GRID2: variants seen among roughly 807,000 people sequenced by gnomAD.
The protein encoded by GRID2 is glutamate ionotropic receptor delta type subunit 2.
Under a neutral mutation model 114.8 loss-of-function variants are expected in GRID2, and 33 were observed. The ratio of observed to expected loss-of-function variants is 0.29; its 90% CI spans 0.22 to 0.38. GRID2 has a LOEUF of 0.38. Ranked by LOEUF, GRID2 falls within the 10% of genes least tolerant of loss-of-function variation. The pLI, the probability that GRID2 is intolerant of heterozygous loss-of-function variation, is 1.00. For missense variants in GRID2, 1,184 were observed against 1,257.7 expected, an observed-to-expected ratio of 0.94 and a Z score of 0.89; for synonymous variants, 505 against 449.9, an observed-to-expected ratio of 1.12 and a Z score of -1.55.
intron 14 of GRID2, among the ~76,000 whole-genome samples, chr4:93,718,064 G>C (rs1729057009): frequency 6.6e-6 from 1 of 152,102 alleles, no homozygotes; most frequent in South Asian, 2.1e-4. Context: ...GACCATCCTG[G>C]CTAACACAGT....
intron 14 of GRID2, among the ~76,000 whole-genome samples, chr4:93,751,612 C>T (rs903142055): frequency 3.3e-5 from 5 of 152,122 alleles, no homozygotes; most frequent in African/African-American, 9.7e-5. Context: ...CAGGGCCTTC[C>T]GTGGCATCCT....
At chr4:93,325,236 G>A (rs1158721147) in intron 8 of GRID2, among the ~76,000 whole-genome samples, 1 of 152,070 alleles carries the variant, frequency 6.6e-6, no homozygotes, top group Non-Finnish European at 1.5e-5. Flanking sequence ...GGTATGTTAT[G>A]TCTTTGTTCT....
intron 2 of GRID2, among the ~76,000 whole-genome samples, chr4:92,908,673 A>G (rs926016374): frequency 1.3e-5 from 2 of 152,160 alleles, no homozygotes; most frequent in African/African-American, 2.4e-5. Context: ...ATCTGATTCT[A>G]AACAGCATGT....
At chr4:93,626,202 C>T in intron 13 of GRID2, 67 bp from the exon 14 acceptor site, 6 of 757,746 alleles carry the variant, frequency 7.9e-6, no homozygotes, top group African/African-American at 1.8e-5. Flanking sequence ...GTTTTTCATC[C>T]TGTCTATGTA....
chr4:93,042,378 T>A (rs1023048515), intron 2 of GRID2, among the ~76,000 whole-genome samples: 18 of 144,682 alleles, frequency 1.2e-4, no homozygotes, highest in African/African-American at 3.9e-4. Context: ...AAGTATAATT[T>A]TATATATATG....
intron 13 of GRID2, among the ~76,000 whole-genome samples, chr4:93,585,963 T>G (rs913303267): frequency 1.8e-4 from 27 of 152,112 alleles, no homozygotes; most frequent in Admixed American, 1.5e-3. Context: ...TTCATTCTCA[T>G]GTTTTGCACT....
intron 2 of GRID2, among the ~76,000 whole-genome samples, chr4:92,686,692 T>G (rs899009536): frequency 2.0e-5 from 3 of 151,972 alleles, no homozygotes; most frequent in African/African-American, 7.2e-5. Flanking sequence ...GTCAAAATAA[T>G]TTGATAATAT....
intron 4 of GRID2, among the ~76,000 whole-genome samples, chr4:93,196,791 C>T (rs1741541457): frequency 6.6e-6 from 1 of 151,974 alleles, no homozygotes; most frequent in Non-Finnish European, 1.5e-5. Flanking sequence ...TTTTGTTTTC[C>T]TCCTCTGGTG....
chr4:93,509,435 A>G (rs1728956016), intron 12 of GRID2, among the ~76,000 whole-genome samples: 1 of 152,206 alleles, frequency 6.6e-6, no homozygotes, highest in African/African-American at 2.4e-5. Flanking sequence ...AATAGAGAAC[A>G]AAGTAATAGT....
intron 1 of GRID2, among the ~76,000 whole-genome samples, chr4:92,428,255 C>T (rs1732257147): frequency 6.6e-6 from 1 of 151,862 alleles, no homozygotes; most frequent in African/African-American, 2.4e-5. Context: ...GAACGAGACT[C>T]CTCACAAAGT....
At position 93,072,662 on chromosome 4, in the gene GRID2, A is replaced by G. The variant is rs529373605; in HGVS notation, c.245-12333A>G. On this transcript the variant is annotated intron_variant, in intron 2 of 15. Transcript: ENST00000282020. ...GAGGTTTGCAACTATTTGAAAAAAA[A>G]AAAGACTCACATATGAATGGTATAG... Among the ~76,000 whole-genome samples the G allele has an allele frequency of 3.7e-3, 558 of 152,248 alleles. 4 individuals carry two copies. Among genetic ancestry groups the G allele is most frequent in the Non-Finnish European group, 6.1e-3 (415 of 68,014 alleles).
intron 13 of GRID2, among the ~76,000 whole-genome samples, chr4:93,623,031 CAA>C: frequency 6.6e-6 from 1 of 152,170 alleles, no homozygotes; most frequent in East Asian, 1.9e-4. Context: ...GACATTTTTG[CAA>C]TAATCACCTG....
At chr4:92,432,825 A>T (rs926630121) in intron 1 of GRID2, among the ~76,000 whole-genome samples, 3 of 151,990 alleles carry the variant, frequency 2.0e-5, no homozygotes, top group African/African-American at 7.2e-5. Context: ...GCCTTTCCCC[A>T]TAGCCACCGC....
intron 14 of GRID2, among the ~76,000 whole-genome samples, chr4:93,749,305 T>C (rs1307479997): frequency 2.0e-5 from 3 of 152,272 alleles, no homozygotes; most frequent in Middle Eastern, 6.8e-3. Flanking sequence ...TAAAAGACAG[T>C]TTATAAAAGT....
intron 4 of GRID2, among the ~76,000 whole-genome samples, chr4:93,189,773 C>CCACACACACACACACACACA (rs34137840): frequency 2.2e-5 from 3 of 138,896 alleles, no homozygotes; most frequent in African/African-American, 8.1e-5. Context: ...CCACACCACA[C>CCACACACACACACACACACA]CACACACACA....
At chr4:92,890,617 A>T (rs549940548) in intron 2 of GRID2, among the ~76,000 whole-genome samples, 4 of 152,274 alleles carry the variant, frequency 2.6e-5, no homozygotes, top group Non-Finnish European at 4.4e-5. Flanking sequence ...GAAACAACAG[A>T]TGCTGGAGAG....
At chr4:93,258,606 G>C (rs980220390) in intron 8 of GRID2, among the ~76,000 whole-genome samples, 1 of 151,630 alleles carries the variant, frequency 6.6e-6, no homozygotes, top group African/African-American at 2.4e-5. Context: ...TACTCCTTTA[G>C]TGCATTATGA....
At chr4:92,632,813 T>C (rs556112143) in intron 2 of GRID2, among the ~76,000 whole-genome samples, 3 of 152,196 alleles carry the variant, frequency 2.0e-5, no homozygotes, top group Admixed American at 2.0e-4. Flanking sequence ...AAATTATACA[T>C]TGAAAGTAGA....
At chr4:93,294,727 T>C (rs1006383615) in intron 8 of GRID2, among the ~76,000 whole-genome samples, 1 of 151,774 alleles carries the variant, frequency 6.6e-6, no homozygotes, top group Non-Finnish European at 1.5e-5. Flanking sequence ...CCCAGGTAAA[T>C]TTTTGTATTT....
Sources: allele counts gnomAD v4.1 joint callset (sites outside exome capture counted in the v4.1 genomes callset), GRCh38; gene constraint gnomAD v4.1.1; transcripts MANE v1.5; gene names NCBI Gene and HGNC (gene_info 2026-07-23, HGNC 2026-07-21).